Variants in DPP10 observed in about 807,000 individuals in gnomAD.
DPP10 encodes inactive dipeptidyl peptidase 10.
In DPP10, 33 loss-of-function variants were observed where a neutral mutation model predicts 120.9. That is an observed-to-expected ratio of 0.27 (90% confidence interval 0.21 to 0.37). The LOEUF (loss-of-function observed/expected upper bound fraction) is 0.37, where lower values mean the gene tolerates loss of function less well. DPP10 is among the 10% of genes least tolerant of loss of function. DPP10 has a pLI of 1.00. For missense variants in DPP10, 816 were observed against 942.8 expected, an observed-to-expected ratio of 0.87 and a Z score of 1.76; for synonymous variants, 337 against 326.1, an observed-to-expected ratio of 1.03 and a Z score of -0.36.
chr2:115,136,899 G>T (rs1324827345), intron 1 of DPP10, among the ~76,000 whole-genome samples: 1 of 152,172 alleles, frequency 6.6e-6, no homozygotes, highest in Admixed American at 6.5e-5. Flanking sequence ...TTCACCTAAA[G>T]ATGACATTCC....
intron 21 of DPP10, among the ~76,000 whole-genome samples, chr2:115,820,971 G>A (rs1014746396): frequency 6.6e-6 from 1 of 152,032 alleles, no homozygotes. Context: ...CTTTTCCTCT[G>A]GGTAGATACC....
intron 1 of DPP10, among the ~76,000 whole-genome samples, chr2:115,060,228 A>T (rs1164671188): frequency 6.7e-6 from 1 of 149,050 alleles, no homozygotes; most frequent in Non-Finnish European, 1.5e-5. Flanking sequence ...CTATATATAT[A>T]GTATATATAA....
intron 1 of DPP10, among the ~76,000 whole-genome samples, chr2:115,111,011 G>A (rs2049188530): frequency 6.6e-6 from 1 of 152,114 alleles, no homozygotes; most frequent in Admixed American, 6.5e-5. Flanking sequence ...CGACATTTAT[G>A]ATTTCAAAAT....
At chr2:115,034,139 C>T (rs1704054846) in intron 1 of DPP10, among the ~76,000 whole-genome samples, 1 of 151,942 alleles carries the variant, frequency 6.6e-6, no homozygotes, top group Admixed American at 6.6e-5. Context: ...TCGTGATCTG[C>T]CTGCCTCAGC....
At chr2:115,500,445 G>A (rs1000446396) in intron 4 of DPP10, among the ~76,000 whole-genome samples, 2 of 151,828 alleles carry the variant, frequency 1.3e-5, no homozygotes, top group African/African-American at 4.8e-5. Context: ...TTTTAAAAAT[G>A]TATTCTACTT....
intron 1 of DPP10, among the ~76,000 whole-genome samples, chr2:114,724,295 T>C (rs1188873432): frequency 6.6e-6 from 1 of 152,234 alleles, no homozygotes; most frequent in African/African-American, 2.4e-5. Flanking sequence ...ACACCATAAC[T>C]TATAACCTAT....
chr2:115,152,313 A>G (rs1402732872), intron 1 of DPP10, among the ~76,000 whole-genome samples: 2 of 152,224 alleles, frequency 1.3e-5, no homozygotes, highest in Non-Finnish European at 2.9e-5. Context: ...TAAAAACAGA[A>G]AGTAGACTGG....
chr2:115,811,840 A>G (rs1316477213), intron 19 of DPP10, among the ~76,000 whole-genome samples: 1 of 152,192 alleles, frequency 6.6e-6, no homozygotes, highest in African/African-American at 2.4e-5. Flanking sequence ...ATTATGCTTT[A>G]TCCATAGATA....
At chr2:114,473,812 G>A (rs770613548) in intron 1 of DPP10, among the ~76,000 whole-genome samples, 33 of 152,040 alleles carry the variant, frequency 2.2e-4, no homozygotes, top group Non-Finnish European at 4.3e-4. Context: ...TGTAAACACT[G>A]ACATTTAGTT....
At chr2:114,670,405 T>A (rs1698246190) in intron 1 of DPP10, among the ~76,000 whole-genome samples, 1 of 152,048 alleles carries the variant, frequency 6.6e-6, no homozygotes, top group Non-Finnish European at 1.5e-5. Context: ...TTGGAAATCA[T>A]CATTCTCAGT....
chr2:115,557,564 A>G (rs929420295), intron 5 of DPP10, among the ~76,000 whole-genome samples: 1 of 152,170 alleles, frequency 6.6e-6, no homozygotes, highest in Non-Finnish European at 1.5e-5. Flanking sequence ...TAAATTCCAC[A>G]TGAAAGTCCC....
intron 1 of DPP10, among the ~76,000 whole-genome samples, chr2:115,272,850 C>T (rs2059756367): frequency 6.6e-6 from 1 of 152,198 alleles, no homozygotes; most frequent in South Asian, 2.1e-4. Flanking sequence ...ATGCTCAATT[C>T]CATGTTCCGT....
rs767149761 is a variant in DPP10 at position 115,276,458 on chromosome 2, A to AT, written c.61-32775dup. On this transcript the variant is annotated intron_variant, in intron 1 of 25. Transcript: ENST00000410059. ...TTTCTAATTCTGCAAGCAAATATAT[A>AT]TTTTTTCTAAATGTGAGCTATTTCG... Among the ~76,000 whole-genome samples the AT allele has an allele frequency of 3.1e-4, 47 of 152,220 alleles. 2 individuals are homozygous for AT. In the East Asian group the frequency reaches 4.4e-3, roughly 14 times the overall value.
At chr2:114,973,443 C>A (rs1473843530) in intron 1 of DPP10, among the ~76,000 whole-genome samples, 1 of 151,596 alleles carries the variant, frequency 6.6e-6, no homozygotes, top group Admixed American at 6.6e-5. Flanking sequence ...GGGTGGATCA[C>A]GAGGTCAGGA....
At chr2:114,768,300 ATGAG>A (rs1680925631) in intron 1 of DPP10, among the ~76,000 whole-genome samples, 1 of 152,192 alleles carries the variant, frequency 6.6e-6, no homozygotes, top group South Asian at 2.1e-4. Context: ...AAGGAGAAAA[ATGAG>A]ATTCCCAGGA....
intron 3 of DPP10, among the ~76,000 whole-genome samples, chr2:115,412,483 C>T (rs1019396986): frequency 2.6e-5 from 4 of 152,114 alleles, no homozygotes; most frequent in Admixed American, 1.3e-4. Context: ...GGTGTCTACT[C>T]GAAGGTTCAT....
chr2:115,100,173 A>G (rs1345886985), intron 1 of DPP10, among the ~76,000 whole-genome samples: 1 of 152,140 alleles, frequency 6.6e-6, no homozygotes, highest in Non-Finnish European at 1.5e-5. Flanking sequence ...GGCTGCATGC[A>G]GTGGTTCACA....
At chr2:114,559,115 G>T (rs917984953) in intron 1 of DPP10, among the ~76,000 whole-genome samples, 5 of 152,170 alleles carry the variant, frequency 3.3e-5, no homozygotes, top group Non-Finnish European at 7.3e-5. Flanking sequence ...GCAGAATAAT[G>T]CCCCTTCCTC....
chr2:115,408,256 T>C (rs535081343), intron 3 of DPP10, among the ~76,000 whole-genome samples: 1 of 152,016 alleles, frequency 6.6e-6, no homozygotes, highest in Admixed American at 6.5e-5. Context: ...GAGGCCAGGC[T>C]CCTCCGCCCT....
Sources: allele counts gnomAD v4.1 joint callset (sites outside exome capture counted in the v4.1 genomes callset), GRCh38; gene constraint gnomAD v4.1.1; transcripts MANE v1.5; gene names NCBI Gene and HGNC (gene_info 2026-07-23, HGNC 2026-07-21).